Variants in NIPAL2 observed in about 807,000 individuals in gnomAD.
NIPAL2 encodes the protein NIPA like domain containing 2.
A neutral mutation model predicts 48.9 loss-of-function variants in NIPAL2; 43 were observed. That is an observed-to-expected ratio of 0.88 (90% CI 0.69 to 1.13). The LOEUF (loss-of-function observed/expected upper bound fraction) is 1.13. NIPAL2 is among the 50% of genes most tolerant of loss of function. The probability of loss-of-function intolerance (pLI) is 0.00; values close to 1 mark genes in which losing one functional copy is unlikely to be tolerated. For synonymous variants in NIPAL2, 167 were observed against 174.6 expected, an observed-to-expected ratio of 0.96 and a Z score of 0.34; for missense variants, 446 against 461.4, an observed-to-expected ratio of 0.97 and a Z score of 0.31.
intron 4 of NIPAL2, among the ~76,000 whole-genome samples, chr8:98,235,157 T>TA (rs1554569635): frequency 1.3e-5 from 2 of 151,914 alleles, no homozygotes; most frequent in Non-Finnish European, 2.9e-5. Context: ...GCTCAAAATT[T>TA]AAAAAAAATA....
At chr8:98,220,555 C>T (rs1226977767) in intron 5 of NIPAL2, among the ~76,000 whole-genome samples, 1 of 151,928 alleles carries the variant, frequency 6.6e-6, no homozygotes, top group East Asian at 1.9e-4. Context: ...ACTGCAGGTG[C>T]ATACTACCAT....
chr8:98,264,807 G>A (rs1258296535), intron 1 of NIPAL2, among the ~76,000 whole-genome samples: 1 of 152,178 alleles, frequency 6.6e-6, no homozygotes, highest in Non-Finnish European at 1.5e-5. Flanking sequence ...AACCAAAAAG[G>A]AGCCTGCATT....
chr8:98,248,964 G>T (rs1381010397), intron 3 of NIPAL2, among the ~76,000 whole-genome samples: 2 of 152,158 alleles, frequency 1.3e-5, no homozygotes, highest in Non-Finnish European at 2.9e-5. Flanking sequence ...AAGCATAGAC[G>T]GGTTATTTAG....
chr8:98,281,204 G>A (rs1043981066), intron 1 of NIPAL2, among the ~76,000 whole-genome samples: 2 of 152,086 alleles, frequency 1.3e-5, no homozygotes, highest in African/African-American at 4.8e-5. Context: ...CTCACATCAG[G>A]ATGTTATCCA....
chr8:98,266,282 T>A (rs374253798), intron 1 of NIPAL2, among the ~76,000 whole-genome samples: 29 of 142,184 alleles, frequency 2.0e-4, no homozygotes, highest in Non-Finnish European at 2.0e-4. Context: ...TAAAGTATAA[T>A]AAAAAAAAAA....
chr8:98,211,762 G>GTGTT (rs1811332182), intron 6 of NIPAL2, among the ~76,000 whole-genome samples: 1 of 151,356 alleles, frequency 6.6e-6, no homozygotes, highest in South Asian at 2.1e-4. Flanking sequence ...GTGTGTGTGT[G>GTGTT]TGTGTAGGGG....
chr8:98,236,113 A>T lies in NIPAL2; in HGVS notation c.436+42T>A, dbSNP rs200319581. The T allele has an allele frequency of 3.2e-4, 425 of 1,321,558 alleles. 1 individual carries two copies. In the African/African-American group the frequency reaches 5.6e-3, roughly 18 times the overall value. The allele number at this position is 1,321,558 out of a possible 1,614,324, so 81.9% of individuals were successfully genotyped here. The stretch of plus-strand genomic sequence containing the variant: ...TATGGATTGTATTATTTATTTCCTG[A>T]TCAAGCAATGCTACAATTACATGAA... On this transcript the variant is annotated intron_variant, in intron 4 of 10. Transcript: ENST00000430223.
intron 1 of NIPAL2, among the ~76,000 whole-genome samples, chr8:98,257,569 A>T (rs1813979659): frequency 6.6e-6 from 1 of 151,966 alleles, no homozygotes; most frequent in South Asian, 2.1e-4. Flanking sequence ...TTTCTTTGAC[A>T]TATTTTGAAA....
chr8:98,263,794 T>C (rs1273657758), intron 1 of NIPAL2, among the ~76,000 whole-genome samples: 110 of 45,260 alleles, frequency 2.4e-3, no homozygotes, highest in Non-Finnish European at 4.0e-3. Flanking sequence ...CCAGCATCAT[T>C]CTGATACCAA....
chr8:98,260,831 C>A (rs1365088320), intron 1 of NIPAL2, among the ~76,000 whole-genome samples: 1 of 152,156 alleles, frequency 6.6e-6, no homozygotes, highest in Non-Finnish European at 1.5e-5. Context: ...GGGCAGGGCA[C>A]AGACAAACAA....
chr8:98,202,364 G>T (rs1168921344), intron 8 of NIPAL2, among the ~76,000 whole-genome samples: 5 of 152,162 alleles, frequency 3.3e-5, no homozygotes, highest in Non-Finnish European at 5.9e-5. Flanking sequence ...TTGCTTTGAT[G>T]ATCAGAAGGG....
chr8:98,246,066 C>T (rs1217905043), intron 3 of NIPAL2, among the ~76,000 whole-genome samples: 1 of 152,188 alleles, frequency 6.6e-6, no homozygotes, highest in African/African-American at 2.4e-5. Flanking sequence ...GAATTCGCAG[C>T]ATCTAGGTTT....
chr8:98,214,173 T>C (rs1234478130), intron 5 of NIPAL2, among the ~76,000 whole-genome samples: 1 of 151,998 alleles, frequency 6.6e-6, no homozygotes, highest in Non-Finnish European at 1.5e-5. Context: ...ACATCTTTTT[T>C]TTTTTTTTGA....
intron 4 of NIPAL2, among the ~76,000 whole-genome samples, chr8:98,224,759 T>C (rs574797765): frequency 4.5e-4 from 62 of 137,678 alleles, no homozygotes; most frequent in African/African-American, 1.7e-3. Flanking sequence ...TCTTTTCTTT[T>C]TTTTTTTTTT....
At chr8:98,282,281 C>A (rs993376628) in intron 1 of NIPAL2, among the ~76,000 whole-genome samples, 1 of 152,104 alleles carries the variant, frequency 6.6e-6, no homozygotes, top group Non-Finnish European at 1.5e-5. Context: ...AGGAGATGTT[C>A]TGTGCCACGG....
At chr8:98,224,632 T>G (rs1190088861) in intron 4 of NIPAL2, among the ~76,000 whole-genome samples, 1 of 152,174 alleles carries the variant, frequency 6.6e-6, no homozygotes, top group Non-Finnish European at 1.5e-5. Context: ...TTCTAAATTT[T>G]GTAATTTTTG....
rs57611524 is a variant in NIPAL2 at position 98,284,418 on chromosome 8, TCACACACA to T, written c.135+9577_135+9584del. ...AAGGCATTCTCTCTCTCTCTCTCTC[TCACACACA>T]CACACACACACACACATACACACAC... On this transcript the variant is annotated intron_variant, in intron 1 of 10. Coordinates refer to ENST00000430223, the MANE Select transcript of NIPAL2 (RefSeq NM_001321635.2). 3.0e-3 allele frequency among the ~76,000 whole-genome samples: 441 copies of T among 146,354 alleles called. 2 individuals carry two copies. The highest frequency in any genetic ancestry group is 5.0e-3 in the Non-Finnish European group (329 of 65,534).
intron 3 of NIPAL2, among the ~76,000 whole-genome samples, chr8:98,240,365 C>G (rs1216521873): frequency 6.6e-6 from 1 of 152,148 alleles, no homozygotes; most frequent in Admixed American, 6.5e-5. Flanking sequence ...GATGCGGGCT[C>G]TCCTAAGCAC....
At chr8:98,281,626 C>T (rs1041425756) in intron 1 of NIPAL2, among the ~76,000 whole-genome samples, 3 of 151,992 alleles carry the variant, frequency 2.0e-5, no homozygotes, top group African/African-American at 4.8e-5. Flanking sequence ...CTAATAGGCA[C>T]CCACAAAAAT....
Sources: allele counts gnomAD v4.1 joint callset (sites outside exome capture counted in the v4.1 genomes callset), GRCh38; gene constraint gnomAD v4.1.1; transcripts MANE v1.5; gene names NCBI Gene and HGNC (gene_info 2026-07-23, HGNC 2026-07-21).